Variants in ITPR2 observed in about 807,000 individuals in gnomAD.
The protein encoded by ITPR2 is inositol 1,4,5-trisphosphate receptor type 2, also known as inositol 1,4,5-trisphosphate-gated calcium channel ITPR2.
ITPR2 carries 207 observed loss-of-function variants against 317.1 expected under a neutral mutation model. That is an observed-to-expected ratio of 0.65 (90% CI 0.58 to 0.73). The LOEUF is 0.73. Among genes scored for constraint, ITPR2 ranks in the 30% least tolerant of loss-of-function variants. The probability of loss-of-function intolerance (pLI) is 0.00; values close to 1 mark genes in which losing one functional copy is unlikely to be tolerated. For synonymous variants in ITPR2, 1,156 were observed against 1,149.1 expected (o/e 1.01, Z -0.12); for missense variants, 2,613 against 3,284.0 (o/e 0.80, Z 4.99).
At chr12:26,440,746 A>T (rs1166524226) in intron 46 of ITPR2, among the ~76,000 whole-genome samples, 2 of 151,338 alleles carry the variant, frequency 1.3e-5, no homozygotes. Context: ...TTGATTCAAT[A>T]GTGTCAAATA....
chr12:26,361,752 T>C (rs955836732), intron 55 of ITPR2, among the ~76,000 whole-genome samples: 1 of 152,242 alleles, frequency 6.6e-6, no homozygotes, highest in African/African-American at 2.4e-5. Context: ...ATTTAAACTT[T>C]CAACACAAAA....
At chr12:26,494,771 G>C (rs1238232351) in intron 38 of ITPR2, among the ~76,000 whole-genome samples, 1 of 50,356 alleles carries the variant, frequency 2.0e-5, no homozygotes, top group African/African-American at 9.3e-5. Context: ...CTCTGCCTCA[G>C]AAAAAAAAAA....
intron 41 of ITPR2, 71 bp downstream of exon 41, chr12:26,486,033 G>T (rs1942656689): frequency 2.0e-5 from 30 of 1,534,844 alleles, no homozygotes; most frequent in Non-Finnish European, 2.6e-5. Context: ...CTACTTGTTG[G>T]TTTTATTTGA....
chr12:26,697,535 G>A (rs1296964256), intron 9 of ITPR2, among the ~76,000 whole-genome samples: 1 of 152,202 alleles, frequency 6.6e-6, no homozygotes, highest in Non-Finnish European at 1.5e-5. Context: ...GTGGCCGGGT[G>A]TGGTGGCTCA....
chr12:26,568,153 G>A (rs1198689599), intron 34 of ITPR2, among the ~76,000 whole-genome samples: 7 of 150,542 alleles, frequency 4.6e-5, no homozygotes, highest in Non-Finnish European at 8.9e-5. Context: ...CTGGCCTATA[G>A]CATTAACTCC....
At chr12:26,497,961 C>A (rs550520513) in intron 37 of ITPR2, among the ~76,000 whole-genome samples, 1 of 152,252 alleles carries the variant, frequency 6.6e-6, no homozygotes, top group South Asian at 2.1e-4. Flanking sequence ...GTCTCGAACT[C>A]CTGACCTCAG....
At chr12:26,719,789 A>G (rs1411777771) in intron 5 of ITPR2, among the ~76,000 whole-genome samples, 3 of 151,924 alleles carry the variant, frequency 2.0e-5, no homozygotes, top group Non-Finnish European at 2.9e-5. Context: ...GTGGGCACAC[A>G]CTTTTTCTAA....
intron 13 of ITPR2, among the ~76,000 whole-genome samples, chr12:26,678,075 C>A (rs2136954098): frequency 6.6e-6 from 1 of 152,280 alleles, no homozygotes; most frequent in Non-Finnish European, 1.5e-5. Context: ...ACCAGGAGTT[C>A]AGTAATACTG....
At chr12:26,667,063 T>C (rs1404720447) in intron 13 of ITPR2, among the ~76,000 whole-genome samples, 2 of 152,238 alleles carry the variant, frequency 1.3e-5, no homozygotes, top group Non-Finnish European at 2.9e-5. Context: ...AACAGTTAAA[T>C]TAGCTTCATC....
intron 2 of ITPR2, among the ~76,000 whole-genome samples, chr12:26,775,959 T>TATATATACATACATATATATATATATA (rs1263788006): frequency 6.9e-6 from 1 of 145,090 alleles, no homozygotes; most frequent in Non-Finnish European, 1.5e-5. Context: ...TATATGTATA[T>TATATATACATACATATATATATATATA]CCTATTAGTT....
At chr12:26,734,504 G>C (rs1949083603) in intron 2 of ITPR2, among the ~76,000 whole-genome samples, 1 of 151,826 alleles carries the variant, frequency 6.6e-6, no homozygotes, top group South Asian at 2.1e-4. Flanking sequence ...CCTCCACTCA[G>C]AAAGCAATAA....
chr12:26,606,237 C>T (rs1343085300), intron 26 of ITPR2, among the ~76,000 whole-genome samples: 1 of 151,662 alleles, frequency 6.6e-6, no homozygotes, highest in Non-Finnish European at 1.5e-5. Flanking sequence ...GCTCGTAGCA[C>T]ATCTCCAAAT....
chr12:26,497,948 C>G (rs1942982459), intron 37 of ITPR2, among the ~76,000 whole-genome samples: 1 of 151,952 alleles, frequency 6.6e-6, no homozygotes, highest in African/African-American at 2.4e-5. Flanking sequence ...TTGGCCAGAG[C>G]TGGTCTCGAA....
At chr12:26,720,556 T>G (rs1948819919) in intron 5 of ITPR2, among the ~76,000 whole-genome samples, 1 of 152,214 alleles carries the variant, frequency 6.6e-6, no homozygotes, top group Non-Finnish European at 1.5e-5. Context: ...GTTGTGGGTG[T>G]GCTTATGCTT....
intron 54 of ITPR2, among the ~76,000 whole-genome samples, chr12:26,396,605 T>C (rs534991659): frequency 6.6e-6 from 1 of 152,166 alleles, no homozygotes; most frequent in Admixed American, 6.5e-5. Context: ...TCTCTCTGCT[T>C]CTCTTCTCAC....
chr12:26,368,341 G>T (rs1316580620), intron 55 of ITPR2, among the ~76,000 whole-genome samples: 2 of 152,154 alleles, frequency 1.3e-5, no homozygotes, highest in Admixed American at 6.6e-5. Flanking sequence ...TATATAAAAG[G>T]TCTATCTTAG....
chr12:26,454,852 G>A (rs1005292757), intron 45 of ITPR2, among the ~76,000 whole-genome samples: 1 of 152,066 alleles, frequency 6.6e-6, no homozygotes. Context: ...TTACCTAACT[G>A]TGAAATAACA....
intron 2 of ITPR2, among the ~76,000 whole-genome samples, chr12:26,762,891 T>C (rs1217327686): frequency 2.0e-5 from 3 of 152,266 alleles, no homozygotes; most frequent in South Asian, 2.1e-4. Flanking sequence ...CTCTACACTT[T>C]AACTTATCCT....
At chr12:26,594,614 T>A (rs923027480) in intron 32 of ITPR2, among the ~76,000 whole-genome samples, 1 of 152,142 alleles carries the variant, frequency 6.6e-6, no homozygotes, top group African/African-American at 2.4e-5. Context: ...TCATTCATAA[T>A]AGGTCTAAGG....
Sources: gnomAD v4.1 joint callset for allele counts (sites outside exome capture counted in the v4.1 genomes callset) on GRCh38, gnomAD v4.1.1 for gene constraint, MANE v1.5 for transcripts, NCBI Gene and HGNC (gene_info 2026-07-23, HGNC 2026-07-21) for gene names.